The following ZBTB46 variants were observed in gnomAD, a reference collection of about 807,000 sequenced individuals.
ZBTB46 encodes the protein zinc finger and BTB domain containing 46.
In ZBTB46, 8 loss-of-function variants were observed where a neutral mutation model predicts 44.1. The ratio of observed to expected loss-of-function variants is 0.18; its 90% CI spans 0.11 to 0.33. The LOEUF (loss-of-function observed/expected upper bound fraction) is 0.33. Ranked by LOEUF, ZBTB46 falls within the 10% of genes least tolerant of loss-of-function variation. The pLI is 1.00. For missense variants in ZBTB46, 651 were observed against 847.7 expected, an observed-to-expected ratio of 0.77 and a Z score of 2.88; for synonymous variants, 409 against 382.3, an observed-to-expected ratio of 1.07 and a Z score of -0.81.
chr20:63,756,272 A>G (rs932312291), intron 3 of ZBTB46, among the ~76,000 whole-genome samples: 2 of 152,244 alleles, frequency 1.3e-5, no homozygotes, highest in Admixed American at 1.3e-4. Context: ...AGTGTCAAAG[A>G]CTGCAAGAAA....
At chr20:63,824,361 C>T (rs1193344294) in intron 1 of ZBTB46, among the ~76,000 whole-genome samples, 3 of 152,142 alleles carry the variant, frequency 2.0e-5, no homozygotes, top group African/African-American at 7.2e-5. Flanking sequence ...AGGATACTGC[C>T]ATTCACCAGA....
intron 1 of ZBTB46, among the ~76,000 whole-genome samples, chr20:63,810,112 T>C (rs961433240): frequency 6.6e-6 from 1 of 152,198 alleles, no homozygotes; most frequent in African/African-American, 2.4e-5. Context: ...TACAGATGCC[T>C]CTGCCTCTTT....
intron 1 of ZBTB46, among the ~76,000 whole-genome samples, chr20:63,792,844 T>C (rs1449212658): frequency 6.6e-6 from 1 of 152,170 alleles, no homozygotes; most frequent in Non-Finnish European, 1.5e-5. Flanking sequence ...AAGTAATTAT[T>C]CTGTCTCACA....
At chr20:63,824,684 CCGT>C (rs1373893026) in intron 1 of ZBTB46, among the ~76,000 whole-genome samples, 3 of 145,082 alleles carry the variant, frequency 2.1e-5, no homozygotes, top group Non-Finnish European at 3.0e-5. Context: ...CCCCATCTCA[CCGT>C]CATCAAACCC....
chr20:63,761,296 C>A (rs894383753), intron 3 of ZBTB46, among the ~76,000 whole-genome samples: 20 of 152,002 alleles, frequency 1.3e-4, no homozygotes, highest in African/African-American at 3.4e-4. Flanking sequence ...ACCACACTCA[C>A]CCTGATATCT....
upstream of ZBTB46, among the ~76,000 whole-genome samples, chr20:63,832,241 C>G (rs976402354): frequency 2.6e-5 from 4 of 152,192 alleles, no homozygotes; most frequent in African/African-American, 9.6e-5. This position sits in a 1 kb window ranked among gnomAD's most constrained non-coding sequence, Gnocchi z 5.0. Context: ...CCTCAGCCCT[C>G]GGGCGGGTAG....
At chr20:63,753,472 T>C (rs1462756312) in intron 3 of ZBTB46, among the ~76,000 whole-genome samples, 1 of 152,018 alleles carries the variant, frequency 6.6e-6, no homozygotes, top group African/African-American at 2.4e-5. Context: ...CACACCACCA[T>C]CTCCATGGTG....
intron 1 of ZBTB46, among the ~76,000 whole-genome samples, chr20:63,828,484 C>T (rs971660748): frequency 4.6e-5 from 7 of 152,030 alleles, no homozygotes; most frequent in Admixed American, 1.3e-4. Context: ...GGGGAGGGGA[C>T]AGATTCAAAG....
intron 2 of ZBTB46, among the ~76,000 whole-genome samples, chr20:63,784,135 G>A (rs566488395): frequency 4.6e-5 from 7 of 152,300 alleles, no homozygotes; most frequent in South Asian, 4.1e-4. Flanking sequence ...ACACAGCCAC[G>A]GCCCCCTCCG....
chr20:63,797,416 G>C (rs1477830432), intron 1 of ZBTB46, among the ~76,000 whole-genome samples: 2 of 152,042 alleles, frequency 1.3e-5, no homozygotes, highest in Non-Finnish European at 2.9e-5. Flanking sequence ...TGGATGTTTG[G>C]GTTGGTTCCA....
intron 1 of ZBTB46, among the ~76,000 whole-genome samples, chr20:63,800,675 G>A (rs976937974): frequency 6.6e-6 from 1 of 152,234 alleles, no homozygotes; most frequent in Non-Finnish European, 1.5e-5. Flanking sequence ...GGCAATGAGG[G>A]GCTTAGCACC....
rs1326993658 is a variant in ZBTB46 at position 63,789,855 on chromosome 20, C to G, written c.903G>C (p.Pro301=). The change falls in exon 2 of 5, where the codon CCG becomes CCC. Residue 301 remains proline, a synonymous_variant. Coordinates refer to ENST00000245663, the MANE Select transcript of ZBTB46 (RefSeq NM_001369741.1). The stretch of plus-strand genomic sequence containing the variant: ...GGCTGCTGAACGGCCACCCCGACGT[C>G]GGCAGGAAGGACGGCACCGGGGAGC... ...RASSPVPSFL[P]TSGWPFSSRD... is the part of the protein sequence containing the mutation. 1 of 1,612,522 alleles carries G rather than the reference C, an allele frequency of 6.2e-7. No individual in the cohort carries two copies. The highest frequency in any genetic ancestry group is 1.3e-5 in the African/African-American group (1 of 74,940).
At position 63,744,621 on chromosome 20, in the gene ZBTB46, G is replaced by C. The variant is rs1350323648; in HGVS notation, c.*2309C>G. 6.6e-6 allele frequency: 1 copy of C among 152,030 alleles called. No individual in the cohort carries two copies. The highest frequency in any genetic ancestry group is 1.5e-5 in the Non-Finnish European group (1 of 68,002). 9.4% of individuals were successfully genotyped at this position (152,030 alleles called of 1,614,324 possible). A position where few individuals can be genotyped will look rare whatever the true frequency, so the allele number is the denominator to read the frequency against. On this transcript the variant is annotated 3_prime_UTR_variant, in exon 5 of 5. Transcript: ENST00000245663. Reference sequence around the variant, plus strand: ...TTCATGACATGTCTTTTCCCTCCACGCCTCCTGAGATGGACGTGCTCACCT... The same window carrying C: ...TTCATGACATGTCTTTTCCCTCCACCCCTCCTGAGATGGACGTGCTCACCT...
intron 2 of ZBTB46, among the ~76,000 whole-genome samples, chr20:63,784,435 A>G (rs879655037): frequency 3.9e-5 from 6 of 152,228 alleles, no homozygotes; most frequent in Non-Finnish European, 7.3e-5. Context: ...CCACCTCACC[A>G]GGGTTCAAGT....
chr20:63,747,082 C>T lies in ZBTB46; in HGVS notation c.1618G>A (p.Asp540Asn). 1 of 1,609,314 alleles carries T rather than the reference C, an allele frequency of 6.2e-7. No individual in the cohort carries two copies. Among genetic ancestry groups the T allele is most frequent in the Non-Finnish European group, 8.5e-7 (1 of 1,179,500 alleles). Residue 540 changes from aspartate (D) to asparagine (N), a missense_variant, in exon 5 of 5, where the codon GAC (aspartate) becomes AAC (asparagine). Transcript: ENST00000245663. ...AGCTCCTCCGCCTCCCCTCGTGGGT[C>T]CTCAGGGTCCTCCAGATAGGGCCCG... The part of the protein sequence containing the change: ...GDGPYLEDPE[D>N]PRGEAEELGE...
intron 1 of ZBTB46, among the ~76,000 whole-genome samples, chr20:63,823,041 T>G (rs139327580): frequency 0.015 from 2,277 of 151,856 alleles, 48 homozygotes; most frequent in African/African-American, 0.052. Flanking sequence ...GGCGCGCACC[T>G]GTGATCCCAG....
intron 3 of ZBTB46, among the ~76,000 whole-genome samples, chr20:63,771,401 AG>A (rs1196035025): frequency 6.6e-6 from 1 of 151,892 alleles, no homozygotes; most frequent in Non-Finnish European, 1.5e-5. Flanking sequence ...GGAGGGAGAG[AG>A]GGGGGCCACG....
chr20:63,767,502 G>A lies in ZBTB46; in HGVS notation c.1222+8176C>T, dbSNP rs1450051553. 2.0e-5 allele frequency among the ~76,000 whole-genome samples: 3 copies of A among 152,144 alleles called. No individual in the cohort carries two copies. Among genetic ancestry groups the A allele is most frequent in the Admixed American group, 2.0e-4 (3 of 15,270 alleles). On this transcript the variant is annotated intron_variant, in intron 3 of 4. Coordinates refer to ENST00000245663, the MANE Select transcript of ZBTB46 (RefSeq NM_001369741.1). The surrounding 1 kb of genome is among the most constrained non-coding windows in gnomAD (Gnocchi z 5.0). ...TATCCCCCTCCGACGCGGCTGTTCG[G>A]TCACCCAGTTCCCCTCCTGCTCCCA...
At chr20:63,825,463 C>T (rs1012404275) in intron 1 of ZBTB46, among the ~76,000 whole-genome samples, 1 of 151,072 alleles carries the variant, frequency 6.6e-6, no homozygotes, top group African/African-American at 2.4e-5. Context: ...CCCCTCCCTC[C>T]CGGCTTCCCA....
Sources: gnomAD v4.1 joint callset for allele counts (sites outside exome capture counted in the v4.1 genomes callset) on GRCh38, gnomAD v4.1.1 for gene constraint, Gnocchi (gnomAD v3.1) non-coding constraint, MANE v1.5 for transcripts, NCBI Gene and HGNC (gene_info 2026-07-23, HGNC 2026-07-21) for gene names.